The following PTPRO variants were observed in gnomAD, a reference collection of about 807,000 sequenced individuals.
PTPRO encodes receptor-type tyrosine-protein phosphatase O.
Under a neutral mutation model 145.2 loss-of-function variants are expected in PTPRO, and 62 were observed. The ratio of observed to expected loss-of-function variants is 0.43; its 90% CI spans 0.35 to 0.53. PTPRO has a LOEUF of 0.53. Among genes scored for constraint, PTPRO ranks in the 20% least tolerant of loss-of-function variants. PTPRO has a pLI of 0.01. For synonymous variants in PTPRO, 565 were observed against 514.7 expected, an observed-to-expected ratio of 1.10 and a Z score of -1.32; for missense variants, 1,345 against 1,482.7, an observed-to-expected ratio of 0.91 and a Z score of 1.53.
At chr12:15,517,217 G>T (rs1213884338) in intron 9 of PTPRO, among the ~76,000 whole-genome samples, 4 of 152,184 alleles carry the variant, frequency 2.6e-5, no homozygotes, top group Admixed American at 6.5e-5. Context: ...AGCAAGTCAT[G>T]TCTTATACAG....
At chr12:15,353,211 T>C (rs979323678) in intron 1 of PTPRO, among the ~76,000 whole-genome samples, 1 of 152,038 alleles carries the variant, frequency 6.6e-6, no homozygotes, top group South Asian at 2.1e-4. Flanking sequence ...TACCCACTCA[T>C]CTACCCCACC....
chr12:15,466,473 T>C (rs947447392), intron 1 of PTPRO, among the ~76,000 whole-genome samples: 1 of 152,204 alleles, frequency 6.6e-6, no homozygotes, highest in African/African-American at 2.4e-5. Context: ...TTAAATTTGT[T>C]TTTTGCCTGT....
chr12:15,444,693 C>G lies in PTPRO; in HGVS notation c.76-39281C>G, dbSNP rs551290666. 3.3e-5 allele frequency among the ~76,000 whole-genome samples: 5 copies of G among 152,060 alleles called. No individual in the cohort carries two copies. The South Asian group carries it at 1.0e-3, about 32-fold the overall frequency. On this transcript the variant is annotated intron_variant, in intron 1 of 26. Coordinates refer to ENST00000281171, the MANE Select transcript of PTPRO (RefSeq NM_030667.3). ...TAAAGGAGGCCCCAGAGAGATCCTC[C>G]TCCCCTCCCACCATGTGATGACACA...
At chr12:15,488,091 C>T (rs986308963) in intron 2 of PTPRO, among the ~76,000 whole-genome samples, 1 of 152,124 alleles carries the variant, frequency 6.6e-6, no homozygotes, top group African/African-American at 2.4e-5. Context: ...CCTGTAACCT[C>T]AAGAATAGTT....
intron 1 of PTPRO, among the ~76,000 whole-genome samples, chr12:15,401,156 C>T (rs1451182387): frequency 6.6e-6 from 1 of 152,138 alleles, no homozygotes; most frequent in Non-Finnish European, 1.5e-5. Flanking sequence ...CAAATATTGC[C>T]AGTCATGACA....
At chr12:15,453,197 G>A (rs1347394688) in intron 1 of PTPRO, among the ~76,000 whole-genome samples, 4 of 151,906 alleles carry the variant, frequency 2.6e-5, no homozygotes, top group South Asian at 4.2e-4. Context: ...CACCACGTTG[G>A]CCAGGCTGGT....
intron 12 of PTPRO, among the ~76,000 whole-genome samples, chr12:15,540,909 C>T (rs1035686257): frequency 9.2e-5 from 14 of 152,158 alleles, no homozygotes; most frequent in African/African-American, 3.1e-4. Flanking sequence ...ATTCTCAGTC[C>T]AAACCCGGAG....
chr12:15,334,926 C>A (rs1242584912), intron 1 of PTPRO, among the ~76,000 whole-genome samples: 1 of 152,078 alleles, frequency 6.6e-6, no homozygotes, highest in East Asian at 1.9e-4. Flanking sequence ...TTACACAAGT[C>A]TCTTTCTGTC....
chr12:15,446,188 A>G (rs1940896258), intron 1 of PTPRO, among the ~76,000 whole-genome samples: 1 of 152,142 alleles, frequency 6.6e-6, no homozygotes, highest in African/African-American at 2.4e-5. Context: ...CCTTTTCCTT[A>G]AATGTTGGGG....
intron 1 of PTPRO, among the ~76,000 whole-genome samples, chr12:15,393,723 T>C (rs1248291743): frequency 2.0e-5 from 3 of 152,112 alleles, no homozygotes; most frequent in East Asian, 1.9e-4. Flanking sequence ...ACCCAGTTCT[T>C]CCTAATCATG....
chr12:15,549,282 T>C (rs578072047), intron 14 of PTPRO, 56 bp downstream of exon 14: 1 of 1,284,826 alleles, frequency 7.8e-7, no homozygotes, highest in Admixed American at 2.8e-5. Context: ...TATATATATA[T>C]ATGTATTTGT....
At chr12:15,362,352 A>C (rs1022477502) in intron 1 of PTPRO, among the ~76,000 whole-genome samples, 1 of 152,208 alleles carries the variant, frequency 6.6e-6, no homozygotes, top group Non-Finnish European at 1.5e-5. Context: ...TTCCTGGCCA[A>C]ATACATCAGA....
At chr12:15,476,410 T>C (rs1406033226) in intron 1 of PTPRO, among the ~76,000 whole-genome samples, 2 of 151,790 alleles carry the variant, frequency 1.3e-5, no homozygotes, top group Non-Finnish European at 1.5e-5. Context: ...TTTGATGGGG[T>C]TGTTTGTTTT....
At chr12:15,495,266 A>G (rs536897187) in intron 2 of PTPRO, among the ~76,000 whole-genome samples, 3 of 151,748 alleles carry the variant, frequency 2.0e-5, no homozygotes, top group Admixed American at 1.3e-4. Flanking sequence ...AGAAAACTCC[A>G]GGAAAAATCA....
At chr12:15,351,238 G>A (rs1291663624) in intron 1 of PTPRO, among the ~76,000 whole-genome samples, 2 of 152,116 alleles carry the variant, frequency 1.3e-5, no homozygotes, top group Admixed American at 6.5e-5. Flanking sequence ...TTTTACACAC[G>A]TAAAATTATT....
At chr12:15,550,932 G>A (rs114402433) in intron 14 of PTPRO, among the ~76,000 whole-genome samples, 1,963 of 152,234 alleles carry the variant, frequency 0.013, 49 homozygotes, top group African/African-American at 0.044. Flanking sequence ...TGAAAAGGAC[G>A]TGACCCCTGT....
chr12:15,403,482 C>T (rs1464361319), intron 1 of PTPRO, among the ~76,000 whole-genome samples: 1 of 152,188 alleles, frequency 6.6e-6, no homozygotes, highest in African/African-American at 2.4e-5. Flanking sequence ...ACTCTGGAGG[C>T]TGAGTCAGGA....
intron 1 of PTPRO, chr12:15,439,601 T>C: frequency 3.5e-6 from 1 of 285,326 alleles, no homozygotes; most frequent in South Asian, 3.5e-5. Context: ...ACAGTGGCTT[T>C]CGTGGAGGTT....
Position 15,580,838 on chromosome 12 carries a change from A to C in PTPRO, c.3132+7A>C. ...GTGTAATGAGAAAAGGAGGGTACGTACTTACTGAAACTGCTCCCACTTAGC... is the reference window on the plus strand; with the variant it reads ...GTGTAATGAGAAAAGGAGGGTACGTCCTTACTGAAACTGCTCCCACTTAGC... On this transcript the variant is annotated splice_region_variant and intron_variant, in intron 22 of 26. Coordinates refer to ENST00000281171, the MANE Select transcript of PTPRO (RefSeq NM_030667.3). 1 of 1,613,842 alleles carries C rather than the reference A, an allele frequency of 6.2e-7. No homozygotes were observed. Among genetic ancestry groups the C allele is most frequent in the Non-Finnish European group, 8.5e-7 (1 of 1,179,786 alleles).
Sources: allele counts gnomAD v4.1 joint callset (sites outside exome capture counted in the v4.1 genomes callset), GRCh38; gene constraint gnomAD v4.1.1; transcripts MANE v1.5; gene names NCBI Gene and HGNC (gene_info 2026-07-23, HGNC 2026-07-21).